The following CXCL14 variants were observed in gnomAD, a reference collection of about 807,000 sequenced individuals.
CXCL14 encodes the protein C-X-C motif chemokine ligand 14.
CXCL14 carries 9 observed loss-of-function variants against 16.1 expected under a neutral mutation model. That is an observed-to-expected ratio of 0.56 (90% CI 0.34 to 0.97). The LOEUF is 0.97. CXCL14 is among the 50% of genes least tolerant of loss of function. The pLI, the probability that CXCL14 is intolerant of heterozygous loss-of-function variation, is 0.02. For missense variants in CXCL14, 111 were observed against 132.5 expected (o/e 0.84, Z 0.80); for synonymous variants, 55 against 52.8 (o/e 1.04, Z -0.18).
At chr5:135,578,387 G>T in intron 2 of CXCL14, 47 bp downstream of exon 2, 2 of 1,503,720 alleles carry the variant, frequency 1.3e-6, no homozygotes, top group Non-Finnish European at 1.9e-6. Flanking sequence ...CCTGGCATTG[G>T]GTTGACAGCA....
At chr5:135,572,954 G>GA (rs1206076830) in intron 3 of CXCL14, among the ~76,000 whole-genome samples, 1 of 152,182 alleles carries the variant, frequency 6.6e-6, no homozygotes, top group Non-Finnish European at 1.5e-5. Context: ...AACACTCTAA[G>GA]AAAGAGGGGT....
At chr5:135,571,929 G>T in intron 3 of CXCL14, 61 bp from the exon 4 acceptor site, 1 of 1,569,342 alleles carries the variant, frequency 6.4e-7, no homozygotes, top group Non-Finnish European at 8.8e-7. Context: ...TTCACAAGAT[G>T]CTGGCTAAGC....
In CXCL14 at chr5:135,577,566, A is replaced by G. The variant is rs142539061; in HGVS notation, c.170+868T>C. On this transcript the variant is annotated intron_variant, in intron 2 of 3. Transcript: ENST00000512158. ...TGCGCCGGTGGGGGCCAGCTGGTGG[A>G]GGGCACTTGCCCAGACTGAGAATAA... Among the ~76,000 whole-genome samples the G allele has an allele frequency of 5.4e-3, 821 of 152,248 alleles. 12 individuals are homozygous for G. The highest frequency in any genetic ancestry group is 0.018 in the African/African-American group (758 of 41,530).
chr5:135,575,803 G>A (rs1220764317), intron 2 of CXCL14, among the ~76,000 whole-genome samples: 1 of 152,178 alleles, frequency 6.6e-6, no homozygotes, highest in Non-Finnish European at 1.5e-5. Context: ...CACTTCTTGA[G>A]GGGTCACAGC....
At chr5:135,572,709 G>A (rs778850035) in intron 3 of CXCL14, among the ~76,000 whole-genome samples, 1 of 152,204 alleles carries the variant, frequency 6.6e-6, no homozygotes, top group Non-Finnish European at 1.5e-5. Context: ...TCCTGTGGTG[G>A]CCAGAAGCTC....
At chr5:135,577,826 G>A (rs542634506) in intron 2 of CXCL14, among the ~76,000 whole-genome samples, 6 of 152,362 alleles carry the variant, frequency 3.9e-5, no homozygotes, top group African/African-American at 1.4e-4. Flanking sequence ...CTCCAGCCAT[G>A]TGGCACATTA....
intron 2 of CXCL14, among the ~76,000 whole-genome samples, chr5:135,577,081 C>T (rs1278650346): frequency 6.6e-6 from 1 of 152,284 alleles, no homozygotes. Context: ...AAAAGTTTAG[C>T]CAGGAAAAGA....
chr5:135,570,720 G>T lies in CXCL14; in HGVS notation c.*1133C>A, dbSNP rs1751012278. On this transcript the variant is annotated 3_prime_UTR_variant, in exon 4 of 4. Transcript: ENST00000512158. ...ATATATTTTATTACTTTCCATCTTA[G>T]AAAGAATATGAAACCTGCATGCAAT... is the stretch of plus-strand genomic sequence containing the variant. 6.6e-6 allele frequency: 1 copy of T among 150,780 alleles called. No individual in the cohort carries two copies. Among genetic ancestry groups the T allele is most frequent in the Non-Finnish European group, 1.5e-5 (1 of 68,018 alleles). The allele number at this position is 150,780 out of a possible 1,614,324, so 9.3% of individuals were successfully genotyped here.
At position 135,574,592 on chromosome 5, in the gene CXCL14, G is replaced by T. The variant is rs150851659; in HGVS notation, c.264C>A (p.Asn88Lys). The T allele has an allele frequency of 9.3e-6, 15 of 1,612,972 alleles. 1 individual carries two copies. The African/African-American group carries it at 2.0e-4, about 22-fold the overall frequency. The change falls in exon 3 of 4, where the codon AAC becomes AAA. Residue 88 changes from asparagine (N) to lysine (K), a missense_variant. Transcript: ENST00000512158. ...QSTKRFIKWY[N>K]AWNEKRRVYE... ...CGTACCTGCGCTTCTCGTTCCAGGCGTTGTACCACTTGATGAAGCGCTTGG... is the reference window on the plus strand; with the variant it reads ...CGTACCTGCGCTTCTCGTTCCAGGCTTTGTACCACTTGATGAAGCGCTTGG...
chr5:135,573,501 A>G (rs564768002), intron 3 of CXCL14, among the ~76,000 whole-genome samples: 1 of 152,154 alleles, frequency 6.6e-6, no homozygotes, highest in African/African-American at 2.4e-5. Flanking sequence ...AGGGGAGGGC[A>G]ATGCAGGCAC....
Position 135,578,870 on chromosome 5 carries a change from C to A in CXCL14, c.-92G>T. Reference sequence around the variant, plus strand: ...CCCGGAGACGCCACCCAGCTCTGCTCGGCTTTCTCTGCCCGGGGCGCGCCT... The same window carrying A: ...CCCGGAGACGCCACCCAGCTCTGCTAGGCTTTCTCTGCCCGGGGCGCGCCT... On this transcript the variant is annotated 5_prime_UTR_variant, in exon 1 of 4. Transcript: ENST00000512158. The A allele has an allele frequency of 7.5e-7, 1 of 1,339,190 alleles. No homozygotes were observed. 83.0% of individuals were successfully genotyped at this position (1,339,190 alleles called of 1,614,324 possible). A position where few individuals can be genotyped will look rare whatever the true frequency, so the allele number is the denominator to read the frequency against.
intron 1 of CXCL14, 83 bp from the exon 2 acceptor site, chr5:135,578,622 C>T: frequency 6.3e-7 from 1 of 1,592,422 alleles, no homozygotes; most frequent in Non-Finnish European, 8.6e-7. Flanking sequence ...CAGACCACCC[C>T]CCGCGGGATC....
intron 2 of CXCL14, among the ~76,000 whole-genome samples, chr5:135,576,852 T>TGCTG (rs1172283173): frequency 6.6e-6 from 1 of 151,202 alleles, no homozygotes; most frequent in Non-Finnish European, 1.5e-5. Flanking sequence ...TTTGCAAAAG[T>TGCTG]GCTGGCCCCT....
intron 3 of CXCL14, among the ~76,000 whole-genome samples, chr5:135,573,689 G>A (rs1006853176): frequency 3.3e-5 from 5 of 151,078 alleles, no homozygotes; most frequent in African/African-American, 1.2e-4. Context: ...GAAGTCACCT[G>A]CATGGTGTGT....
chr5:135,578,706 C>G lies in CXCL14; in HGVS notation c.64+9G>C. 1 of 1,551,794 alleles carries G rather than the reference C, an allele frequency of 6.4e-7. No individual in the cohort carries two copies. The highest frequency in any genetic ancestry group is 8.7e-7 in the Non-Finnish European group (1 of 1,147,504). ...CGAGACGGCGACAAGGGGAGCTCCC[C>G]GCACTCACCGTCCACACGCGCGGTG... On this transcript the variant is annotated intron_variant, in intron 1 of 3. Transcript: ENST00000512158.
chr5:135,578,987 T>C lies in CXCL14; in HGVS notation c.-209A>G, dbSNP rs1751170068. The C allele has an allele frequency of 5.5e-6, 3 of 543,132 alleles. No homozygotes were observed. The highest frequency in any genetic ancestry group is 9.3e-6 in the Non-Finnish European group (3 of 321,544). The allele number at this position is 543,132 out of a possible 1,614,324, so 33.6% of individuals were successfully genotyped here. On this transcript the variant is annotated 5_prime_UTR_variant, in exon 1 of 4. Transcript: ENST00000512158. The stretch of plus-strand genomic sequence containing the variant: ...GCTCTGCGCTTGTCTCCGCGCTCTC[T>C]CCACAGCCTCCCTCCGCCCGCCCTG...
rs1751169071 is a variant in CXCL14, at chr5:135,578,956, C to T, written c.-178G>A. 2 of 623,986 alleles carry T rather than the reference C, an allele frequency of 3.2e-6. No individual in the cohort carries two copies. Among genetic ancestry groups the T allele is most frequent in the Admixed American group, 3.9e-5 (1 of 25,344 alleles). 38.7% of individuals were successfully genotyped at this position (623,986 alleles called of 1,614,324 possible). On this transcript the variant is annotated 5_prime_UTR_variant, in exon 1 of 4. Coordinates refer to ENST00000512158, the MANE Select transcript of CXCL14 (RefSeq NM_004887.5). ...ATGCCCAGGGCTGTCTGTGGCCGTGCGCTGCGCTCTGCGCTTGTCTCCGCG... is the reference window on the plus strand; with the variant it reads ...ATGCCCAGGGCTGTCTGTGGCCGTGTGCTGCGCTCTGCGCTTGTCTCCGCG...
At chr5:135,575,655 G>A (rs781323362) in intron 2 of CXCL14, among the ~76,000 whole-genome samples, 2 of 152,182 alleles carry the variant, frequency 1.3e-5, no homozygotes, top group African/African-American at 4.8e-5. Context: ...TTGCTGTGGG[G>A]GCTCCAGCCT....
chr5:135,576,820 G>A (rs1284147731), intron 2 of CXCL14, among the ~76,000 whole-genome samples: 1 of 148,196 alleles, frequency 6.7e-6, no homozygotes, highest in Non-Finnish European at 1.5e-5. Context: ...CTTTTGTTCA[G>A]CCTTTGTGGC....
Sources: gnomAD v4.1 joint callset for allele counts (sites outside exome capture counted in the v4.1 genomes callset) on GRCh38, gnomAD v4.1.1 for gene constraint, MANE v1.5 for transcripts, NCBI Gene and HGNC (gene_info 2026-07-23, HGNC 2026-07-21) for gene names.